The following PEX7 variants were observed in gnomAD, a reference collection of about 807,000 sequenced individuals.
PEX7 encodes peroxisomal biogenesis factor 7, also known as PTS2 receptor.
In PEX7, 34 loss-of-function variants were observed where a neutral mutation model predicts 47.5. The observed-to-expected ratio is 0.72, with a 90% CI of 0.54 to 0.95. The LOEUF (loss-of-function observed/expected upper bound fraction) is 0.95. PEX7 is among the 40% of genes least tolerant of loss of function. The pLI, the probability that PEX7 is intolerant of heterozygous loss-of-function variation, is 0.00. For missense variants in PEX7, 394 were observed against 400.3 expected (o/e 0.98, Z 0.13); for synonymous variants, 141 against 148.8 (o/e 0.95, Z 0.38).
At position 136,845,698 on chromosome 6, in the gene PEX7, T is replaced by G. The variant is rs758402722; in HGVS notation, c.417+6T>G. The G allele has an allele frequency of 4.5e-6, 7 of 1,565,634 alleles. No homozygotes were observed. In the South Asian group the frequency reaches 6.7e-5, roughly 15 times the overall value. The stretch of plus-strand genomic sequence containing the variant: ...GGGATCAAACTGTCAAATTGGTATG[T>G]TAGCATTATTGTATTCAAAAACGAA... On this transcript the variant is annotated splice_donor_region_variant and intron_variant, in intron 4 of 9. Transcript: ENST00000318471.
At chr6:136,835,909 A>G (rs1222100586) in intron 3 of PEX7, among the ~76,000 whole-genome samples, 1 of 152,240 alleles carries the variant, frequency 6.6e-6, no homozygotes, top group Non-Finnish European at 1.5e-5. Context: ...ATAGTTTTAA[A>G]TAGATGGAAA....
At chr6:136,849,432 T>C (rs1017103958) in intron 5 of PEX7, among the ~76,000 whole-genome samples, 19 of 152,198 alleles carry the variant, frequency 1.2e-4, no homozygotes, top group Non-Finnish European at 2.1e-4. Flanking sequence ...CTAGTTCTTT[T>C]AATTGTGATG....
chr6:136,895,008 A>C (rs1775625139), intron 8 of PEX7, among the ~76,000 whole-genome samples: 1 of 152,214 alleles, frequency 6.6e-6, no homozygotes, highest in East Asian at 1.9e-4. Flanking sequence ...GATATATAGC[A>C]CTTATGGGAT....
At chr6:136,870,092 G>T in intron 7 of PEX7, 89 bp downstream of exon 7, 4 of 825,320 alleles carry the variant, frequency 4.8e-6, no homozygotes, top group South Asian at 1.9e-5. Flanking sequence ...CTGGGTTTAG[G>T]GATTGGAGTT....
rs558738235 is a variant in PEX7, at chr6:136,913,930, T to C, written c.*404T>C. On this transcript the variant is annotated 3_prime_UTR_variant, in exon 10 of 10. Transcript: ENST00000318471. ...TAAACTATCTATTGATCATTTATCATTTTATAACTTCCCCCAAAAGACTGC... is the reference window on the plus strand; with the variant it reads ...TAAACTATCTATTGATCATTTATCACTTTATAACTTCCCCCAAAAGACTGC... 6 of 185,936 alleles carry C rather than the reference T, an allele frequency of 3.2e-5. No homozygotes were observed. Among genetic ancestry groups the C allele is most frequent in the African/African-American group, 1.6e-4 (6 of 37,606 alleles). The allele number at this position is 185,936 out of a possible 1,614,324, so 11.5% of individuals were successfully genotyped here.
chr6:136,826,560 C>A, intron 3 of PEX7, 91 bp downstream of exon 3: 1 of 1,453,224 alleles, frequency 6.9e-7, no homozygotes. Context: ...GAAATATCTT[C>A]AGGGGACAAG....
At chr6:136,859,938 C>G (rs543019111) in intron 5 of PEX7, among the ~76,000 whole-genome samples, 1 of 151,748 alleles carries the variant, frequency 6.6e-6, no homozygotes, top group Admixed American at 6.6e-5. Flanking sequence ...GCAGGAGAAT[C>G]GCTTGAACCC....
intron 9 of PEX7, among the ~76,000 whole-genome samples, chr6:136,913,226 A>T (rs1452382304): frequency 2.0e-5 from 3 of 152,244 alleles, no homozygotes; most frequent in African/African-American, 7.2e-5. Context: ...CAATTGAAAT[A>T]TACCAATTGG....
At chr6:136,824,193 T>TTTTTTTC (rs1346274826) in intron 1 of PEX7, among the ~76,000 whole-genome samples, 5 of 151,896 alleles carry the variant, frequency 3.3e-5, no homozygotes, top group Non-Finnish European at 7.4e-5. Context: ...AGTAGTTTTC[T>TTTTTTTC]TTTTTTCTTT....
At chr6:136,912,123 T>C (rs1775943552) in intron 9 of PEX7, among the ~76,000 whole-genome samples, 1 of 152,210 alleles carries the variant, frequency 6.6e-6, no homozygotes, top group African/African-American at 2.4e-5. Flanking sequence ...TATTGGTTCT[T>C]TATGTATTCT....
At chr6:136,864,198 G>A (rs569653237) in intron 5 of PEX7, among the ~76,000 whole-genome samples, 5 of 152,070 alleles carry the variant, frequency 3.3e-5, no homozygotes, top group Non-Finnish European at 5.9e-5. Flanking sequence ...GAAAAAATAT[G>A]TATAAAATGC....
chr6:136,896,033 C>G (rs909358052), intron 8 of PEX7, among the ~76,000 whole-genome samples: 1 of 152,160 alleles, frequency 6.6e-6, no homozygotes, highest in African/African-American at 2.4e-5. Context: ...CCTCATCACA[C>G]TTTCAGGCTG....
chr6:136,879,359 G>A (rs1293065598), intron 8 of PEX7, among the ~76,000 whole-genome samples: 1 of 152,066 alleles, frequency 6.6e-6, no homozygotes, highest in Non-Finnish European at 1.5e-5. Context: ...CTATTTTTCT[G>A]TAGCTTTCCT....
At chr6:136,858,773 C>T (rs953435854) in intron 5 of PEX7, among the ~76,000 whole-genome samples, 2 of 152,226 alleles carry the variant, frequency 1.3e-5, no homozygotes, top group East Asian at 1.9e-4. Context: ...GTTTCAGTGC[C>T]GAATTCAGAG....
intron 8 of PEX7, among the ~76,000 whole-genome samples, chr6:136,878,969 A>G (rs1775327089): frequency 6.6e-6 from 1 of 151,984 alleles, no homozygotes; most frequent in South Asian, 2.1e-4. Flanking sequence ...AAGTTTTCTG[A>G]AAAAAATTAA....
At chr6:136,883,609 G>A (rs1244259799) in intron 8 of PEX7, among the ~76,000 whole-genome samples, 1 of 152,004 alleles carries the variant, frequency 6.6e-6, no homozygotes, top group Non-Finnish European at 1.5e-5. Context: ...TCTCCCTTTG[G>A]TTTAGAACTT....
At chr6:136,823,910 G>A (rs535104182) in intron 1 of PEX7, among the ~76,000 whole-genome samples, 2 of 152,278 alleles carry the variant, frequency 1.3e-5, no homozygotes, top group African/African-American at 4.8e-5. Flanking sequence ...AGTCCATCTA[G>A]TCCGTGGACT....
chr6:136,859,436 C>T lies in PEX7; in HGVS notation c.527-7191C>T, dbSNP rs552425834. Among the ~76,000 whole-genome samples, 23 of 152,054 alleles carry T rather than the reference C, an allele frequency of 1.5e-4. No individual in the cohort carries two copies. In the South Asian group the frequency reaches 3.7e-3, roughly 25 times the overall value. On this transcript the variant is annotated intron_variant, in intron 5 of 9. Coordinates refer to ENST00000318471, the MANE Select transcript of PEX7 (RefSeq NM_000288.4). ...ATCATGAAAACTAAATTATTGCTGT[C>T]ACAGACTCCATCTAGTTGCGTAAGT...
chr6:136,829,105 C>T (rs1774248768), intron 3 of PEX7, among the ~76,000 whole-genome samples: 1 of 152,174 alleles, frequency 6.6e-6, no homozygotes. Context: ...TACTGTTTCA[C>T]ATATTTTGCT....
Sources: allele counts gnomAD v4.1 joint callset (sites outside exome capture counted in the v4.1 genomes callset), GRCh38; gene constraint gnomAD v4.1.1; transcripts MANE v1.5; gene names NCBI Gene and HGNC (gene_info 2026-07-23, HGNC 2026-07-21).